The following CPEB3 variants were observed in gnomAD, a reference collection of about 807,000 sequenced individuals.
The protein encoded by CPEB3 is cytoplasmic polyadenylation element binding protein 3.
CPEB3 carries 20 observed loss-of-function variants against 67.2 expected under a neutral mutation model. That is an observed-to-expected ratio of 0.30 (90% CI 0.21 to 0.43). The LOEUF (loss-of-function observed/expected upper bound fraction) is 0.43, where lower values mean the gene tolerates loss of function less well. CPEB3 is among the 20% of genes least tolerant of loss of function. The pLI is 1.00. For missense variants in CPEB3, 746 were observed against 968.6 expected, an observed-to-expected ratio of 0.77 and a Z score of 3.05; for synonymous variants, 376 against 393.1, an observed-to-expected ratio of 0.96 and a Z score of 0.51.
At position 92,277,344 on chromosome 10, in the gene CPEB3, T is replaced by C. The variant is rs147732870; in HGVS notation, c.-12+13582A>G. On this transcript the variant is annotated intron_variant, in intron 1 of 9. Coordinates refer to ENST00000265997, the MANE Select transcript of CPEB3 (RefSeq NM_014912.5). ...TGATGTGGGTAGGGATGCAACACCA[T>C]TCCTTCACAAGTGGATATCCAGCTG... Among the ~76,000 whole-genome samples the C allele has an allele frequency of 3.3e-3, 510 of 152,332 alleles. 1 individual carries two copies. The highest frequency in any genetic ancestry group is 0.01 in the Middle Eastern group (3 of 294).
At chr10:92,144,019 T>C (rs932744152) in intron 5 of CPEB3, among the ~76,000 whole-genome samples, 2 of 152,216 alleles carry the variant, frequency 1.3e-5, no homozygotes, top group African/African-American at 4.8e-5. Flanking sequence ...TATTTTTATA[T>C]CAGACCCAAA....
At chr10:92,098,463 C>T (rs931176380) in intron 7 of CPEB3, among the ~76,000 whole-genome samples, 1 of 151,958 alleles carries the variant, frequency 6.6e-6, no homozygotes, top group Non-Finnish European at 1.5e-5. Flanking sequence ...GCATGCACCA[C>T]CACGCCTGGC....
Position 92,143,076 on chromosome 10 carries a change from A to G in CPEB3, c.1406T>C (p.Val469Ala), listed in dbSNP as rs781690363. 1.9e-6 allele frequency: 3 copies of G among 1,613,816 alleles called. No individual in the cohort carries two copies. Among genetic ancestry groups the G allele is most frequent in the Non-Finnish European group, 1.7e-6 (2 of 1,179,838 alleles). Residue 469 changes from valine (V) to alanine (A), a missense_variant, in exon 6 of 10, where the codon GTA becomes GCA. By Grantham distance (64) the Val-to-Ala change is moderately conservative (BLOSUM62 0). Coordinates refer to ENST00000265997, the MANE Select transcript of CPEB3 (RefSeq NM_014912.5). ...ASFRRFGPLV[V>A]DWPHKAESKS... ...GCTTTCAGCTTTGTGAGGCCAGTCT[A>G]CTACGAGAGGTCCAAACCTGCGAAA...
rs537137849 is a variant in CPEB3, at chr10:92,219,261, C to T, written c.1005+20085G>A. Among the ~76,000 whole-genome samples, 8 of 152,266 alleles carry T rather than the reference C, an allele frequency of 5.3e-5. No individual in the cohort carries two copies. The East Asian group carries it at 1.5e-3, about 29-fold the overall frequency. ...TAACTTCTTGGACTGTATAAAATGG[C>T]TGCCCTTTTAAATATTTAATTATTG... On this transcript the variant is annotated intron_variant, in intron 2 of 9. Transcript: ENST00000265997.
chr10:92,199,109 T>C (rs974258905), intron 2 of CPEB3, among the ~76,000 whole-genome samples: 1 of 152,160 alleles, frequency 6.6e-6, no homozygotes, highest in Non-Finnish European at 1.5e-5. Context: ...AACGATTAAC[T>C]GGCAGGGCGC....
intron 6 of CPEB3, among the ~76,000 whole-genome samples, chr10:92,113,974 A>G (rs1214531056): frequency 6.6e-6 from 1 of 152,194 alleles, no homozygotes; most frequent in African/African-American, 2.4e-5. Flanking sequence ...TTTCTTTAGG[A>G]TGGCTCTTTT....
In CPEB3 at chr10:92,046,934, T is replaced by C. The variant is rs1417350845; in HGVS notation, c.*5278A>G. 1 of 152,218 alleles carries C rather than the reference T, an allele frequency of 6.6e-6. No homozygotes were observed. Among genetic ancestry groups the C allele is most frequent in the Non-Finnish European group, 1.5e-5 (1 of 68,044 alleles). The allele number at this position is 152,218 out of a possible 1,614,324, so 9.4% of individuals were successfully genotyped here. ...CAATACATTTAAAATTAGTTGTTAG[T>C]TGAAAAACAAATACAGAGATCCTAG... On this transcript the variant is annotated 3_prime_UTR_variant, in exon 10 of 10. Coordinates refer to ENST00000265997, the MANE Select transcript of CPEB3 (RefSeq NM_014912.5).
At chr10:92,152,206 C>G (rs760975491) in intron 4 of CPEB3, among the ~76,000 whole-genome samples, 1 of 152,128 alleles carries the variant, frequency 6.6e-6, no homozygotes, top group Non-Finnish European at 1.5e-5. Context: ...TGCCTCAAGC[C>G]TTTTTTTAAA....
intron 6 of CPEB3, among the ~76,000 whole-genome samples, chr10:92,118,170 T>C (rs994453367): frequency 2.0e-5 from 3 of 152,204 alleles, no homozygotes; most frequent in Non-Finnish European, 4.4e-5. Context: ...TCGCTCTTGT[T>C]GCCCAGGCTG....
rs1851694821 is a variant in CPEB3, at chr10:92,239,337, GAGT to G, written c.1005+6_1005+8del. The stretch of plus-strand genomic sequence containing the variant: ...AGGGAAGGAGTGTGTAGGTGCAGCA[GAGT>G]ATTACCTGAAATGGCAACAGATTGT... On this transcript the variant is annotated splice_donor_region_variant and intron_variant, in intron 2 of 9. Coordinates refer to ENST00000265997, the MANE Select transcript of CPEB3 (RefSeq NM_014912.5). This position sits in a 1 kb window ranked among gnomAD's most constrained non-coding sequence, Gnocchi z 6.0. The G allele has an allele frequency of 1.9e-6, 3 of 1,601,394 alleles. No individual in the cohort carries two copies. In the African/African-American group the frequency reaches 4.0e-5, roughly 21 times the overall value.
chr10:92,210,286 A>T (rs1338317730), intron 2 of CPEB3, among the ~76,000 whole-genome samples: 2 of 152,210 alleles, frequency 1.3e-5, no homozygotes, highest in Non-Finnish European at 2.9e-5. Context: ...TGGATGCTAT[A>T]AAGATACAAA....
At position 92,180,980 on chromosome 10, in the gene CPEB3, T is replaced by C. The variant is rs1848432039; in HGVS notation, c.1205A>G (p.Asn402Ser). ...AGACTTACTGTTAAGTGCCATAATATTATCTGTTCCTGGATGATGGAAATT... is the reference window on the plus strand; with the variant it reads ...AGACTTACTGTTAAGTGCCATAATACTATCTGTTCCTGGATGATGGAAATT... ...GINFHHPGTDNIMALNNAFLD... is the reference protein window; with the variant it reads ...GINFHHPGTDSIMALNNAFLD... Residue 402 changes from asparagine to serine, a missense_variant, in exon 4 of 10, where the codon AAT (asparagine) becomes AGT (serine). Around this residue, in one of 2 missense-constraint regions of CPEB3, gnomAD observed 643 missense variants for 717.5 expected, o/e 0.90. Transcript: ENST00000265997. 2.7e-6 allele frequency: 4 copies of C among 1,508,412 alleles called. No homozygotes were observed. Among genetic ancestry groups the C allele is most frequent in the Non-Finnish European group, 3.7e-6 (4 of 1,084,654 alleles). 93.4% of individuals were successfully genotyped at this position (1,508,412 alleles called of 1,614,324 possible).
intron 1 of CPEB3, among the ~76,000 whole-genome samples, chr10:92,241,086 A>G (rs1398729360): frequency 6.6e-6 from 1 of 152,172 alleles, no homozygotes; most frequent in Non-Finnish European, 1.5e-5. Flanking sequence ...AGAAGTAAAA[A>G]CCTACTGAAA....
intron 3 of CPEB3, among the ~76,000 whole-genome samples, chr10:92,186,465 C>T (rs1020495390): frequency 7.3e-5 from 11 of 150,132 alleles, no homozygotes; most frequent in Non-Finnish European, 1.5e-4. Context: ...GATGGAGTCT[C>T]GCTCTGTCAC....
Position 92,072,611 on chromosome 10 carries a change from C to T in CPEB3, c.1869+8709G>A, listed in dbSNP as rs990027705. Among the ~76,000 whole-genome samples, 4 of 152,168 alleles carry T rather than the reference C, an allele frequency of 2.6e-5. No homozygotes were observed. In the East Asian group the frequency reaches 5.8e-4, roughly 22 times the overall value. On this transcript the variant is annotated intron_variant, in intron 9 of 9. Transcript: ENST00000265997. Reference sequence around the variant, plus strand: ...AAGCAGTTTGCCCAAGATCATACCACGATTGGAAAAAGCTAGGAATAGACC... The same window carrying T: ...AAGCAGTTTGCCCAAGATCATACCATGATTGGAAAAAGCTAGGAATAGACC...
At chr10:92,107,693 T>C (rs879612661) in intron 7 of CPEB3, among the ~76,000 whole-genome samples, 4 of 151,298 alleles carry the variant, frequency 2.6e-5, no homozygotes, top group Non-Finnish European at 5.9e-5. Context: ...ACCTGAGCTA[T>C]GAAACTCCTC....
chr10:92,107,960 A>C (rs1490888069), intron 7 of CPEB3, among the ~76,000 whole-genome samples: 1 of 152,196 alleles, frequency 6.6e-6, no homozygotes, highest in Non-Finnish European at 1.5e-5. Context: ...AATTCATTTG[A>C]GTTAAAAAAA....
Position 92,260,231 on chromosome 10 carries a change from C to T in CPEB3, c.-11-19870G>A, listed in dbSNP as rs114919370. ...TCTGAATATCATTGATGGGCAAGAC[C>T]CAGTCTTACTGCAGGGTATCCTAAA... On this transcript the variant is annotated intron_variant, in intron 1 of 9. Coordinates refer to ENST00000265997, the MANE Select transcript of CPEB3 (RefSeq NM_014912.5). 6.1e-3 allele frequency among the ~76,000 whole-genome samples: 926 copies of T among 152,214 alleles called. 6 individuals carry two copies. The highest frequency in any genetic ancestry group is 0.021 in the African/African-American group (880 of 41,550).
chr10:92,065,844 A>G (rs1415374125), intron 9 of CPEB3, among the ~76,000 whole-genome samples: 1 of 152,056 alleles, frequency 6.6e-6, no homozygotes, highest in Non-Finnish European at 1.5e-5. Context: ...CTATAATTCC[A>G]GCACATTGGG....
Sources: allele counts gnomAD v4.1 joint callset (sites outside exome capture counted in the v4.1 genomes callset), GRCh38; gene constraint gnomAD v4.1.1; regional missense constraint gnomAD v4.1.1; non-coding constraint Gnocchi (gnomAD v3.1); transcripts MANE v1.5; gene names NCBI Gene and HGNC (gene_info 2026-07-23, HGNC 2026-07-21).